The following PRKACA variants were observed in gnomAD, a reference collection of about 807,000 sequenced individuals.
The protein encoded by PRKACA is protein kinase cAMP-activated catalytic subunit alpha.
In PRKACA, 9 loss-of-function variants were observed where a neutral mutation model predicts 45.8. That is an observed-to-expected ratio of 0.20 (90% CI 0.12 to 0.34). The LOEUF is 0.34. Among genes scored for constraint, PRKACA ranks in the 10% least tolerant of loss-of-function variants. PRKACA has a pLI of 1.00. For missense variants in PRKACA, 238 were observed against 458.6 expected (o/e 0.52, Z 4.39); for synonymous variants, 160 against 178.6 (o/e 0.90, Z 0.83).
intron 1 of PRKACA, 107 bp downstream of exon 1, chr19:14,117,395 A>G: frequency 8.9e-7 from 1 of 1,117,654 alleles, no homozygotes; most frequent in South Asian, 3.9e-5. Flanking sequence ...GCTGGGGGGT[A>G]GGCAGAGAGG....
At position 14,093,561 on chromosome 19, in the gene PRKACA, T is replaced by C. The variant is rs1430396218; in HGVS notation, c.930+67A>G. 6.5e-6 allele frequency: 10 copies of C among 1,533,284 alleles called. No individual in the cohort carries two copies. The Admixed American group carries it at 1.3e-4, about 21-fold the overall frequency. 95.0% of individuals were successfully genotyped at this position (1,533,284 alleles called of 1,614,324 possible). The stretch of plus-strand genomic sequence containing the variant: ...CTGTGTTCTCTTCTCTATTTCTCTA[T>C]TGGCTGTCCTCCCTGACTCTTGGCC... On this transcript the variant is annotated intron_variant, in intron 9 of 9. Coordinates refer to ENST00000308677, the MANE Select transcript of PRKACA (RefSeq NM_002730.4).
chr19:14,107,329 C>T lies in PRKACA; in HGVS notation c.108+19G>A, dbSNP rs755878720. On this transcript the variant is annotated intron_variant, in intron 2 of 9. Transcript: ENST00000308677. ...TTAGCAGCTCACCCCTCCCTGGGCT[C>T]TGCACCCGGCAGCCTTACCTGAGCG... 6.2e-7 allele frequency: 1 copy of T among 1,611,866 alleles called. No homozygotes were observed. The highest frequency in any genetic ancestry group is 8.5e-7 in the Non-Finnish European group (1 of 1,178,238).
chr19:14,106,951 CT>C, intron 2 of PRKACA, 63 bp from the exon 3 acceptor site: 1 of 1,588,984 alleles, frequency 6.3e-7, no homozygotes, highest in African/African-American at 1.4e-5. Flanking sequence ...TGGCTAAGGT[CT>C]GGGGCATCCC....
At chr19:14,115,101 T>TCTCTGGGAGC in intron 1 of PRKACA, 1 of 985,372 alleles carries the variant, frequency 1.0e-6, no homozygotes, top group South Asian at 4.7e-5. Context: ...CTTATTTCCT[T>TCTCTGGGAGC]CTCTGGGAGC....
At chr19:14,116,295 A>G (rs936150546) in intron 1 of PRKACA, among the ~76,000 whole-genome samples, 3 of 152,182 alleles carry the variant, frequency 2.0e-5, no homozygotes, top group African/African-American at 7.2e-5. Flanking sequence ...TTCCAGATAG[A>G]GAATCTCTTT....
intron 4 of PRKACA, 66 bp downstream of exon 4, chr19:14,102,750 G>T: frequency 7.1e-7 from 1 of 1,398,714 alleles, no homozygotes; most frequent in Non-Finnish European, 1.0e-6. Flanking sequence ...TCCGACCCCA[G>T]CCCTGGGGGC....
At position 14,097,657 on chromosome 19, in the gene PRKACA, G is replaced by A. The variant is rs773370977; in HGVS notation, c.564C>T (p.Phe188=). 1.7e-5 allele frequency: 28 copies of A among 1,608,834 alleles called. No individual in the cohort carries two copies. Among genetic ancestry groups the A allele is most frequent in the Non-Finnish European group, 2.1e-5 (25 of 1,176,486 alleles). The change falls in exon 7 of 10, where the codon TTC becomes TTT. Residue 188 remains phenylalanine (F), a synonymous_variant. Transcript: ENST00000308677. The surrounding 1 kb of genome is among the most constrained non-coding windows in gnomAD (Gnocchi z 5.4). ...AAGTGCGGCCCTTCACGCGCTTGGC[G>A]AAACCGAAGTCTGTCACCTGTGGGC... ...QGYIQVTDFG[F]AKRVKGRTWT...
At chr19:14,100,962 T>G in intron 4 of PRKACA, 54 bp from the exon 5 acceptor site, 1 of 1,531,034 alleles carries the variant, frequency 6.5e-7, no homozygotes. Flanking sequence ...GGACCCGATC[T>G]GAAGGCCTTG....
At chr19:14,107,200 G>A (rs1056474974) in intron 2 of PRKACA, 148 bp downstream of exon 2, 14 of 890,376 alleles carry the variant, frequency 1.6e-5, no homozygotes, top group Admixed American at 2.3e-5. Context: ...CTCCACACAG[G>A]AGCCCCCATG....
chr19:14,097,818 G>A lies in PRKACA; in HGVS notation c.492C>T (p.Ile164=). The stretch of plus-strand genomic sequence containing the variant: ...GATTCTCCGGCTTCAGGTCCCTGTA[G>A]ATGAGATCCAGCGAGTGCAGATACT... The part of the protein sequence containing the change: ...TFEYLHSLDL[I]YRDLKPENLL... Residue 164 remains isoleucine, a synonymous_variant, in exon 6 of 10, where the codon ATC becomes ATT. Coordinates refer to ENST00000308677, the MANE Select transcript of PRKACA (RefSeq NM_002730.4). This position sits in a 1 kb window ranked among gnomAD's most constrained non-coding sequence, Gnocchi z 5.4. 1 of 1,614,152 alleles carries A rather than the reference G, an allele frequency of 6.2e-7. No homozygotes were observed. Among genetic ancestry groups the A allele is most frequent in the Non-Finnish European group, 8.5e-7 (1 of 1,180,020 alleles).
rs531151698 is a variant in PRKACA at position 14,114,027 on chromosome 19, C to T, written c.46+3475G>A. 6.2e-5 allele frequency: 82 copies of T among 1,318,350 alleles called. No individual in the cohort carries two copies. The African/African-American group carries it at 1.1e-3, about 17-fold the overall frequency. 81.7% of individuals were successfully genotyped at this position (1,318,350 alleles called of 1,614,324 possible). A position where few individuals can be genotyped will look rare whatever the true frequency, so the allele number is the denominator to read the frequency against. ...GTTTCCAGGGCCAGCCAGGGGTTCACATCCTTCTTCTCTTCGCCTGTGCCC... is the reference window on the plus strand; with the variant it reads ...GTTTCCAGGGCCAGCCAGGGGTTCATATCCTTCTTCTCTTCGCCTGTGCCC... On this transcript the variant is annotated intron_variant, in intron 1 of 9. Coordinates refer to ENST00000308677, the MANE Select transcript of PRKACA (RefSeq NM_002730.4).
rs1268117798 is a variant in PRKACA, at chr19:14,101,083, T to C, written c.337-175A>G. 1.1e-4 allele frequency: 69 copies of C among 609,282 alleles called. No individual in the cohort carries two copies. The Admixed American group carries it at 1.7e-3, about 15-fold the overall frequency. The allele number at this position is 609,282 out of a possible 1,614,324, so 37.7% of individuals were successfully genotyped here. A position where few individuals can be genotyped will look rare whatever the true frequency, so the allele number is the denominator to read the frequency against. On this transcript the variant is annotated intron_variant, in intron 4 of 9. Transcript: ENST00000308677. Reference sequence around the variant, plus strand: ...TTATCCTGCTGTTAATGGGTGAAAGTGAGGGCTGGCTCAGAGGTATGTCAG... The same window carrying C: ...TTATCCTGCTGTTAATGGGTGAAAGCGAGGGCTGGCTCAGAGGTATGTCAG...
At chr19:14,109,157 G>A (rs984416318) in intron 1 of PRKACA, among the ~76,000 whole-genome samples, 1 of 151,114 alleles carries the variant, frequency 6.6e-6, no homozygotes, top group African/African-American at 2.4e-5. Flanking sequence ...GACCAGCCTG[G>A]CCAACATGGC....
intron 1 of PRKACA, among the ~76,000 whole-genome samples, chr19:14,109,572 T>G (rs1014473308): frequency 6.6e-6 from 1 of 150,390 alleles, no homozygotes. Context: ...GAGCCGAGAT[T>G]GCACCACTGC....
Position 14,097,919 on chromosome 19 carries a change from T to G in PRKACA, c.420-29A>C, listed in dbSNP as rs577125986. 2 of 1,612,826 alleles carry G rather than the reference T, an allele frequency of 1.2e-6. No individual in the cohort carries two copies. The highest frequency in any genetic ancestry group is 2.7e-5 in the African/African-American group (2 of 74,970). On this transcript the variant is annotated intron_variant, in intron 5 of 9. Transcript: ENST00000308677. This position sits in a 1 kb window ranked among gnomAD's most constrained non-coding sequence, Gnocchi z 5.4. The stretch of plus-strand genomic sequence containing the variant: ...ATGGGGACAAATGGGGAGGTGAACG[T>G]CAGTGGTCATGCCCCAAAATGGTCC...
intron 5 of PRKACA, among the ~76,000 whole-genome samples, chr19:14,099,421 C>G (rs567423968): frequency 6.6e-6 from 1 of 151,208 alleles, no homozygotes; most frequent in African/African-American, 2.4e-5. Context: ...ACTGCAGCAG[C>G]GTGATCACGG....
intron 1 of PRKACA, among the ~76,000 whole-genome samples, chr19:14,108,635 C>A (rs1266328657): frequency 3.3e-5 from 5 of 151,890 alleles, no homozygotes; most frequent in African/African-American, 9.7e-5. Context: ...TGGTCTCGAT[C>A]TCCTGACCTC....
rs1977621468 is a variant in PRKACA at position 14,106,809 on chromosome 19, T to A, written c.188A>T (p.His63Leu). 3.1e-6 allele frequency: 5 copies of A among 1,614,196 alleles called. No individual in the cohort carries two copies. Among genetic ancestry groups the A allele is most frequent in the Non-Finnish European group, 4.2e-6 (5 of 1,180,026 alleles). ...GSFGRVMLVK[H>L]KETGNHYAMK... ...GGCATAGTGGTTCCCGGTCTCCTTG[T>A]GTTTCACCAGCATCACCCGCCCGAA... Residue 63 changes from histidine to leucine, a missense_variant, in exon 3 of 10, where the codon CAC becomes CTC. Physicochemically the swap from His to Leu is moderately conservative, Grantham distance 99 (BLOSUM62 -3). Around this residue, in one of 3 missense-constraint regions of PRKACA, gnomAD observed 93 missense variants for 149.1 expected, o/e 0.62. Transcript: ENST00000308677.
At position 14,097,876 on chromosome 19, in the gene PRKACA, C is replaced by T. The variant is rs1476015355; in HGVS notation, c.434G>A (p.Arg145His). ...CAGGACGATCTGGGCCGCGTAGAAA[C>T]GGGCATGGGGCTCACTGATGGGGAC... ...RIGRFSEPHA[R>H]FYAAQIVLTF... The change falls in exon 6 of 10, where the codon CGT becomes CAT. Residue 145 changes from arginine (R) to histidine (H), a missense_variant. Arg to His is a conservative substitution (Grantham distance 29). Coordinates refer to ENST00000308677, the MANE Select transcript of PRKACA (RefSeq NM_002730.4). This position sits in a 1 kb window ranked among gnomAD's most constrained non-coding sequence, Gnocchi z 5.4. The T allele has an allele frequency of 2.2e-5, 35 of 1,614,026 alleles. No individual in the cohort carries two copies. The highest frequency in any genetic ancestry group is 2.9e-5 in the Non-Finnish European group (34 of 1,180,036).
Sources: allele counts gnomAD v4.1 joint callset (sites outside exome capture counted in the v4.1 genomes callset), GRCh38; gene constraint gnomAD v4.1.1; regional missense constraint gnomAD v4.1.1; non-coding constraint Gnocchi (gnomAD v3.1); transcripts MANE v1.5; gene names NCBI Gene and HGNC (gene_info 2026-07-23, HGNC 2026-07-21).